FBN3: variants seen among roughly 807,000 people sequenced by gnomAD.
FBN3 encodes the protein fibrillin-3.
Under a neutral mutation model 330.1 loss-of-function variants are expected in FBN3, and 234 were observed. The observed-to-expected ratio is 0.71, with a 90% confidence interval of 0.64 to 0.79. The LOEUF (loss-of-function observed/expected upper bound fraction) is 0.79, where lower values mean the gene tolerates loss of function less well. Ranked by LOEUF, FBN3 falls within the 30% of genes least tolerant of loss-of-function variation. The pLI, the probability that FBN3 is intolerant of heterozygous loss-of-function variation, is 0.00. For synonymous variants in FBN3, 1,458 were observed against 1,517.3 expected (o/e 0.96, Z 0.91); for missense variants, 3,606 against 3,886.9 (o/e 0.93, Z 1.92).
chr19:8,097,466 C>T (rs372192386), intron 41 of FBN3, 52 bp from the exon 42 acceptor site: 17 of 1,540,508 alleles, frequency 1.1e-5, no homozygotes, highest in East Asian at 6.9e-5. Context: ...GGACTTCCAG[C>T]GATGCTGAGC....
chr19:8,102,863 C>G lies in FBN3; in HGVS notation c.4950G>C (p.Lys1650Asn), dbSNP rs1313715694. The G allele has an allele frequency of 4.3e-6, 7 of 1,614,158 alleles. No individual in the cohort carries two copies. Among genetic ancestry groups the G allele is most frequent in the Non-Finnish European group, 5.9e-6 (7 of 1,180,018 alleles). Residue 1650 changes from lysine (K) to asparagine (N), a missense_variant, in exon 40 of 64, where the codon AAG becomes AAC. Transcript: ENST00000600128. ...CGTTATAGTGCCGGAAGCAGACACT[C>G]TTCCTCATATCTGTAGTTGGCACAA... is the stretch of plus-strand genomic sequence containing the variant. ...NGGNNCMDMRKSVCFRHYNGT... is the reference protein window; with the variant it reads ...NGGNNCMDMRNSVCFRHYNGT...
chr19:8,089,739 A>G, intron 50 of FBN3, 69 bp from the exon 51 acceptor site: 1 of 1,590,792 alleles, frequency 6.3e-7, no homozygotes, highest in Non-Finnish European at 8.6e-7. Flanking sequence ...GGCCACACTC[A>G]AGGCCCCAAG....
intron 13 of FBN3, among the ~76,000 whole-genome samples, chr19:8,135,278 A>G (rs116404679): frequency 0.047 from 7,181 of 151,728 alleles, 329 homozygotes; most frequent in African/African-American, 0.12. Flanking sequence ...TGGCATAAAA[A>G]AAAATTTTTT....
chr19:8,144,265 G>C (rs916045677), intron 6 of FBN3, among the ~76,000 whole-genome samples: 1 of 151,920 alleles, frequency 6.6e-6, no homozygotes, highest in Non-Finnish European at 1.5e-5. Flanking sequence ...GCTGAGCGTG[G>C]GGATGCCTGT....
In FBN3 at chr19:8,119,040, AAGAG is replaced by A. The variant is rs746628593; in HGVS notation, c.3212-22_3212-19del. ...GTCCACGTCTGAAGGTTTGTGTGGA[AAGAG>A]AGAGCAGGCATGAAGGTGCTGATGC... On this transcript the variant is annotated intron_variant, in intron 25 of 63. Coordinates refer to ENST00000600128, the MANE Select transcript of FBN3 (RefSeq NM_032447.5). 17 of 1,586,186 alleles carry A rather than the reference AAGAG, an allele frequency of 1.1e-5. No individual in the cohort carries two copies. The South Asian group carries it at 1.4e-4, about 13-fold the overall frequency.
chr19:8,088,991 T>A (rs2082030811), intron 51 of FBN3, among the ~76,000 whole-genome samples: 1 of 151,216 alleles, frequency 6.6e-6, no homozygotes, highest in Non-Finnish European at 1.5e-5. Context: ...AGCAAAGGAG[T>A]GAATGAGTGA....
Position 8,103,691 on chromosome 19 carries a change from C to A in FBN3, c.4814-4G>T, listed in dbSNP as rs551318378. ...TGTGTGGAGCATTCGTCAATATCTG[C>A]AGGGAAAGAAGGGGTGGAGGGGAAC... On this transcript the variant is annotated splice_polypyrimidine_tract_variant and splice_region_variant and intron_variant, in intron 38 of 63. Coordinates refer to ENST00000600128, the MANE Select transcript of FBN3 (RefSeq NM_032447.5). 1.9e-5 allele frequency: 31 copies of A among 1,612,194 alleles called. No individual in the cohort carries two copies. The South Asian group carries it at 3.1e-4, about 16-fold the overall frequency.
intron 14 of FBN3, among the ~76,000 whole-genome samples, chr19:8,132,349 AT>A (rs554109440): frequency 2.7e-5 from 4 of 148,150 alleles, no homozygotes; most frequent in South Asian, 2.2e-4. Flanking sequence ...TGCCCAGCTA[AT>A]TTTTTTTTTA....
Position 8,133,157 on chromosome 19 carries a change from T to C in FBN3, c.1592-51A>G, listed in dbSNP as rs761011334. ...CCAGGCAGGGACCACACTGGGACCC[T>C]CTCTCTCCCTCCTCCAGGCTCCAGG... On this transcript the variant is annotated intron_variant, in intron 13 of 63. Coordinates refer to ENST00000600128, the MANE Select transcript of FBN3 (RefSeq NM_032447.5). The C allele has an allele frequency of 7.2e-5, 109 of 1,509,204 alleles. 1 individual carries two copies. Among genetic ancestry groups the C allele is most frequent in the Non-Finnish European group, 9.7e-5 (109 of 1,125,778 alleles). The allele number at this position is 1,509,204 out of a possible 1,614,324, so 93.5% of individuals were successfully genotyped here.
At position 8,119,015 on chromosome 19, in the gene FBN3, G is replaced by A. The variant is rs142033402; in HGVS notation, c.3219C>T (p.Asp1073=). The change falls in exon 26 of 64, where the codon GAC becomes GAT. Residue 1073 remains aspartate (D), a synonymous_variant. Transcript: ENST00000600128. The part of the protein sequence containing the change: ...FMLMKNCMDV[D]ECARDPLLCR... ...AGAGCAGCGGGTCCCTTGCACACTC[G>A]TCCACGTCTGAAGGTTTGTGTGGAA... 2.9e-5 allele frequency: 47 copies of A among 1,598,612 alleles called. No individual in the cohort carries two copies. The highest frequency in any genetic ancestry group is 4.0e-5 in the African/African-American group (3 of 74,820).
rs778677226 is a variant in FBN3 at position 8,088,151 on chromosome 19, G to T, written c.6405C>A (p.Pro2135=). The T allele has an allele frequency of 6.2e-7, 1 of 1,610,168 alleles. No homozygotes were observed. Among genetic ancestry groups the T allele is most frequent in the South Asian group, 1.1e-5 (1 of 90,752 alleles). ...CATTGGTGCATGTCCCTTGCCCACA[G>T]GGGTGGCCGACAGAGCACTCGTCTG... ...VDTDECSVGH[P]CGQGTCTNVI... The change falls in exon 52 of 64, where the codon CCC becomes CCA. Residue 2135 remains proline (P), a synonymous_variant. Transcript: ENST00000600128.
At chr19:8,140,740 C>T (rs1434562508) in intron 8 of FBN3, among the ~76,000 whole-genome samples, 4 of 152,016 alleles carry the variant, frequency 2.6e-5, no homozygotes, top group South Asian at 2.1e-4. Context: ...GGGTGGGAGC[C>T]CCAGACTGAT....
intron 26 of FBN3, 33 bp from the exon 27 acceptor site, chr19:8,117,622 T>C: frequency 6.7e-7 from 1 of 1,498,674 alleles, no homozygotes; most frequent in Non-Finnish European, 9.0e-7. Context: ...GACGGGCCTG[T>C]GCCCCATCTG....
chr19:8,112,729 C>T (rs2144837532), intron 30 of FBN3, among the ~76,000 whole-genome samples: 1 of 152,332 alleles, frequency 6.6e-6, no homozygotes, highest in South Asian at 2.1e-4. Context: ...ATTTCCCTGT[C>T]CACCAGCATT....
At chr19:8,072,238 G>A in intron 62 of FBN3, 40 bp from the exon 63 acceptor site, 1 of 1,495,692 alleles carries the variant, frequency 6.7e-7, no homozygotes, top group Non-Finnish European at 8.9e-7. Context: ...TTCAGAGGCG[G>A]GCTGATGGGA....
At chr19:8,133,131 T>A in intron 13 of FBN3, 25 bp from the exon 14 acceptor site, 1 of 1,553,504 alleles carries the variant, frequency 6.4e-7, no homozygotes, top group Non-Finnish European at 8.7e-7. Flanking sequence ...AGAGGCTGGG[T>A]CCAGGCAGGG....
rs748667763 is a variant in FBN3 at position 8,073,051 on chromosome 19, C to T, written c.7937+12G>A. 1 of 1,590,756 alleles carries T rather than the reference C, an allele frequency of 6.3e-7. No individual in the cohort carries two copies. The highest frequency in any genetic ancestry group is 1.4e-5 in the African/African-American group (1 of 74,058). ...GGGCATGGAGTCTGCTTGCCCCACT[C>T]CAGCCTCTCACCCTTGCCCAGCCCG... On this transcript the variant is annotated intron_variant, in intron 62 of 63. Transcript: ENST00000600128.
At position 8,136,193 on chromosome 19, in the gene FBN3, CGCATG is replaced by C. The variant is rs761414622; in HGVS notation, c.1457_1461del (p.Ala486GlyfsTer38). The C allele has an allele frequency of 1.2e-6, 2 of 1,613,622 alleles. No individual in the cohort carries two copies. The highest frequency in any genetic ancestry group is 1.7e-6 in the Non-Finnish European group (2 of 1,179,944). On this transcript the variant is annotated frameshift_variant, in exon 12 of 64. Transcript: ENST00000600128. LOFTEE classifies it high-confidence loss of function. ...ACTCTTGGATGGACAGCCGTACCCA[CGCATG>C]CCTGCCTGGTGGGCGTGGCCTGGAA...
At chr19:8,092,680 A>C (rs1003809248) in intron 47 of FBN3, among the ~76,000 whole-genome samples, 1 of 125,246 alleles carries the variant, frequency 8.0e-6, no homozygotes, top group Non-Finnish European at 1.6e-5. Context: ...GTGCCACTCC[A>C]GTCTGGGTGA....
Sources: gnomAD v4.1 joint callset for allele counts (sites outside exome capture counted in the v4.1 genomes callset) on GRCh38, gnomAD v4.1.1 for gene constraint, MANE v1.5 for transcripts, NCBI Gene and HGNC (gene_info 2026-07-23, HGNC 2026-07-21) for gene names.